TENM4: variants seen among roughly 807,000 people sequenced by gnomAD.
TENM4 encodes teneurin-4.
A neutral mutation model predicts 243.3 loss-of-function variants in TENM4; 82 were observed. The observed-to-expected ratio is 0.34, with a 90% CI of 0.28 to 0.40. TENM4 has a LOEUF of 0.40. Among genes scored for constraint, TENM4 ranks in the 10% least tolerant of loss-of-function variants. The pLI is 1.00. For missense variants in TENM4, 3,138 were observed against 3,673.3 expected (o/e 0.85, Z 3.77); for synonymous variants, 1,412 against 1,456.3 (o/e 0.97, Z 0.69).
Position 78,658,517 on chromosome 11 carries a change from A to G in TENM4, c.7851T>C (p.His2617=). Residue 2617 remains histidine, a synonymous_variant, in exon 34 of 34, where the codon CAT becomes CAC. Transcript: ENST00000278550. ...LHFTIDGVDT[H]YFVKPGPSEG... is the part of the protein sequence containing the mutation. ...CTGAAGGTCCTGGTTTCACAAAGTA[A>G]TGGGTATCCACCCCATCAATGGTGA... 6.2e-7 allele frequency: 1 copy of G among 1,614,030 alleles called. No individual in the cohort carries two copies.
intron 20 of TENM4, among the ~76,000 whole-genome samples, chr11:78,733,217 G>T (rs114362620): frequency 0.015 from 2,239 of 152,282 alleles, 72 homozygotes; most frequent in African/African-American, 0.052. Context: ...ACAAGTGAAA[G>T]GAGAACCAGA....
At chr11:78,899,542 C>A (rs1262367400) in intron 7 of TENM4, among the ~76,000 whole-genome samples, 4 of 122,326 alleles carry the variant, frequency 3.3e-5, no homozygotes, top group African/African-American at 1.3e-4. Flanking sequence ...CATGCCACTG[C>A]ACTCTGTCTC....
chr11:78,938,662 A>G (rs1181636147), intron 6 of TENM4, among the ~76,000 whole-genome samples: 1 of 152,232 alleles, frequency 6.6e-6, no homozygotes, highest in East Asian at 1.9e-4. Context: ...ACAAGTGCCT[A>G]CATTATTCTG....
At chr11:79,134,216 G>C (rs1003729188) in intron 4 of TENM4, among the ~76,000 whole-genome samples, 10 of 152,050 alleles carry the variant, frequency 6.6e-5, no homozygotes, top group Admixed American at 2.0e-4. Flanking sequence ...ACCAAGTGGA[G>C]AATAAAATCA....
At chr11:78,677,932 C>T (rs1015430866) in intron 29 of TENM4, among the ~76,000 whole-genome samples, 1 of 115,480 alleles carries the variant, frequency 8.7e-6, no homozygotes, top group African/African-American at 3.3e-5. Context: ...CCTCCCCCGA[C>T]CCCACCACAG....
intron 1 of TENM4, among the ~76,000 whole-genome samples, chr11:79,317,423 T>C (rs558705678): frequency 3.9e-4 from 60 of 152,296 alleles, no homozygotes; most frequent in African/African-American, 1.3e-3. Flanking sequence ...GGCTATCTAA[T>C]TTTTAGGGCC....
intron 12 of TENM4, among the ~76,000 whole-genome samples, chr11:78,847,395 G>A (rs1338388184): frequency 1.3e-5 from 2 of 152,260 alleles, no homozygotes; most frequent in East Asian, 3.9e-4. Flanking sequence ...GGTGGGGACA[G>A]TGGGGAGCCC....
intron 3 of TENM4, among the ~76,000 whole-genome samples, chr11:79,187,682 G>A (rs572652832): frequency 6.6e-6 from 1 of 152,144 alleles, no homozygotes; most frequent in Non-Finnish European, 1.5e-5. Flanking sequence ...TTGGAGACAG[G>A]GCCTTAAAAA....
intron 3 of TENM4, among the ~76,000 whole-genome samples, chr11:79,154,445 A>G (rs1862564938): frequency 6.6e-6 from 1 of 152,130 alleles, no homozygotes; most frequent in Non-Finnish European, 1.5e-5. Flanking sequence ...CCCACCTCCA[A>G]CACTGGAGGT....
At position 79,215,050 on chromosome 11, in the gene TENM4, C is replaced by T. The variant is rs141210838; in HGVS notation, c.-163+758G>A. Among the ~76,000 whole-genome samples, 731 of 152,298 alleles carry T rather than the reference C, an allele frequency of 4.8e-3. 3 individuals are homozygous for T. Among genetic ancestry groups the T allele is most frequent in the Non-Finnish European group, 8.4e-3 (573 of 68,016 alleles). On this transcript the variant is annotated intron_variant, in intron 3 of 33. Transcript: ENST00000278550. The stretch of plus-strand genomic sequence containing the variant: ...AAGGATAAGAAAAAGTGCTTGGTAC[C>T]TAGTAGGTTCACAGTGGGCTTTCAA...
chr11:79,004,540 A>G (rs1858423504), intron 6 of TENM4, among the ~76,000 whole-genome samples: 1 of 152,230 alleles, frequency 6.6e-6, no homozygotes, highest in South Asian at 2.1e-4. Flanking sequence ...TAAGGCAGAA[A>G]TCAAGAAATT....
chr11:79,120,751 C>A (rs1304923195), intron 4 of TENM4, among the ~76,000 whole-genome samples: 3 of 152,180 alleles, frequency 2.0e-5, no homozygotes, highest in Non-Finnish European at 4.4e-5. Context: ...AGTGCAGAAT[C>A]ACAAAGTATG....
chr11:79,260,399 G>T (rs1273567764), intron 2 of TENM4, among the ~76,000 whole-genome samples: 1 of 152,154 alleles, frequency 6.6e-6, no homozygotes, highest in Non-Finnish European at 1.5e-5. Context: ...CCATATGTCT[G>T]GACATGTGCT....
intron 1 of TENM4, among the ~76,000 whole-genome samples, chr11:79,376,552 A>C (rs1360255420): frequency 6.6e-6 from 1 of 152,234 alleles, no homozygotes; most frequent in African/African-American, 2.4e-5. Context: ...GCTATAGTCT[A>C]TATAATAGTC....
intron 1 of TENM4, among the ~76,000 whole-genome samples, chr11:79,377,267 T>G (rs1857909977): frequency 6.6e-6 from 1 of 152,222 alleles, no homozygotes; most frequent in Non-Finnish European, 1.5e-5. Context: ...CTTCCAGAAC[T>G]GTGAGAGAAG....
At chr11:78,691,434 A>G (rs1437393446) in intron 28 of TENM4, among the ~76,000 whole-genome samples, 1 of 152,226 alleles carries the variant, frequency 6.6e-6, no homozygotes, top group Non-Finnish European at 1.5e-5. Context: ...TGATTCATTC[A>G]CACATTCCCT....
chr11:79,317,763 C>T (rs1856826574), intron 1 of TENM4, among the ~76,000 whole-genome samples: 1 of 152,142 alleles, frequency 6.6e-6, no homozygotes, highest in African/African-American at 2.4e-5. Flanking sequence ...TTTCAAACGC[C>T]CCAATGTCCC....
At chr11:79,173,386 G>A (rs578157755) in intron 3 of TENM4, among the ~76,000 whole-genome samples, 1 of 152,030 alleles carries the variant, frequency 6.6e-6, no homozygotes, top group Non-Finnish European at 1.5e-5. Context: ...TCTCGGTTGA[G>A]TCTCAATTTT....
intron 2 of TENM4, among the ~76,000 whole-genome samples, chr11:79,252,954 G>A (rs1855637863): frequency 6.6e-6 from 1 of 152,198 alleles, no homozygotes; most frequent in Non-Finnish European, 1.5e-5. Context: ...CAGCATGATT[G>A]TGACAGTACA....
Sources: allele counts gnomAD v4.1 joint callset (sites outside exome capture counted in the v4.1 genomes callset), GRCh38; gene constraint gnomAD v4.1.1; transcripts MANE v1.5; gene names NCBI Gene and HGNC (gene_info 2026-07-23, HGNC 2026-07-21).